The following PARD3B variants were observed in gnomAD, a reference collection of about 807,000 sequenced individuals.
PARD3B encodes the protein partitioning defective 3 homolog B.
Under a neutral mutation model 130.2 loss-of-function variants are expected in PARD3B, and 103 were observed. That is an observed-to-expected ratio of 0.79 (90% CI 0.67 to 0.93). The LOEUF is 0.93. Ranked by LOEUF, PARD3B falls within the 40% of genes least tolerant of loss-of-function variation. The probability of loss-of-function intolerance (pLI) is 0.00; values close to 1 mark genes in which losing one functional copy is unlikely to be tolerated. For missense variants in PARD3B, 1,609 were observed against 1,499.2 expected (o/e 1.07, Z -1.21); for synonymous variants, 583 against 553.2 (o/e 1.05, Z -0.76).
chr2:205,382,319 A>G (rs1028152397), intron 18 of PARD3B, among the ~76,000 whole-genome samples: 1 of 151,988 alleles, frequency 6.6e-6, no homozygotes, highest in African/African-American at 2.4e-5. Flanking sequence ...GGTTTTTCTT[A>G]CCATGATTAG....
chr2:205,286,666 C>G (rs777057524), intron 16 of PARD3B, among the ~76,000 whole-genome samples: 1 of 152,310 alleles, frequency 6.6e-6, no homozygotes, highest in Admixed American at 6.5e-5. Flanking sequence ...AATAGATACC[C>G]TCTTCCTGGG....
At chr2:205,102,933 T>G (rs1457233883) in intron 4 of PARD3B, among the ~76,000 whole-genome samples, 1 of 151,884 alleles carries the variant, frequency 6.6e-6, no homozygotes, top group Non-Finnish European at 1.5e-5. Context: ...CCGGGTGTGG[T>G]GGTGGGCACC....
intron 1 of PARD3B, among the ~76,000 whole-genome samples, chr2:204,567,502 A>G (rs2031745044): frequency 1.3e-5 from 2 of 152,200 alleles, no homozygotes; most frequent in South Asian, 4.1e-4. Flanking sequence ...ATTTAGCGTA[A>G]TAATGTCTTT....
At chr2:204,546,310 G>T in intron 1 of PARD3B, 191 bp downstream of exon 1, 5 of 779,496 alleles carry the variant, frequency 6.4e-6, no homozygotes, top group Non-Finnish European at 1.0e-5. Context: ...GAGCTCCGAG[G>T]GTCGTGAGTG....
At chr2:204,756,376 T>A (rs1250715021) in intron 2 of PARD3B, among the ~76,000 whole-genome samples, 1 of 152,090 alleles carries the variant, frequency 6.6e-6, no homozygotes, top group Non-Finnish European at 1.5e-5. Flanking sequence ...TTATTGGAGA[T>A]TTTGAAGAAG....
At chr2:204,989,777 T>C (rs1424916715) in intron 3 of PARD3B, among the ~76,000 whole-genome samples, 1 of 152,172 alleles carries the variant, frequency 6.6e-6, no homozygotes, top group East Asian at 1.9e-4. Flanking sequence ...TGTTGTTGAA[T>C]GTAGCCCATT....
intron 2 of PARD3B, among the ~76,000 whole-genome samples, chr2:204,914,022 G>C (rs1187273638): frequency 6.6e-6 from 1 of 152,170 alleles, no homozygotes; most frequent in Non-Finnish European, 1.5e-5. Flanking sequence ...GTTGATGGTA[G>C]TGATGAGACA....
chr2:204,592,123 G>T (rs2033097325), intron 1 of PARD3B, among the ~76,000 whole-genome samples: 1 of 152,274 alleles, frequency 6.6e-6, no homozygotes, highest in Non-Finnish European at 1.5e-5. Context: ...TGACCCCTCA[G>T]TGACCTTTGT....
chr2:205,344,412 T>A (rs2043671176), intron 18 of PARD3B, among the ~76,000 whole-genome samples: 2 of 151,970 alleles, frequency 1.3e-5, no homozygotes, highest in South Asian at 4.2e-4. Context: ...GGATGATAGA[T>A]CAGTGAAATG....
At chr2:205,076,741 G>A (rs548922798) in intron 4 of PARD3B, among the ~76,000 whole-genome samples, 177 of 152,150 alleles carry the variant, frequency 1.2e-3, no homozygotes, top group African/African-American at 4.1e-3. Flanking sequence ...CTGATGATCA[G>A]AGGTGGAACC....
chr2:204,808,304 A>G (rs2042846486), intron 2 of PARD3B, among the ~76,000 whole-genome samples: 1 of 152,050 alleles, frequency 6.6e-6, no homozygotes, highest in Non-Finnish European at 1.5e-5. Context: ...TCCCTTGCAT[A>G]TATCTATTTG....
chr2:204,607,634 G>T (rs1188460640), intron 1 of PARD3B, among the ~76,000 whole-genome samples: 1 of 152,060 alleles, frequency 6.6e-6, no homozygotes, highest in Admixed American at 6.6e-5. Flanking sequence ...TAAAAAAAAG[G>T]ATTATACAGT....
intron 2 of PARD3B, among the ~76,000 whole-genome samples, chr2:204,923,223 T>G (rs1197637652): frequency 1.3e-5 from 2 of 152,072 alleles, no homozygotes; most frequent in African/African-American, 2.4e-5. Flanking sequence ...AAAAATTACT[T>G]TCTTGTATTC....
intron 2 of PARD3B, among the ~76,000 whole-genome samples, chr2:204,933,478 G>A (rs138498296): frequency 0.011 from 1,703 of 152,250 alleles, 9 homozygotes; most frequent in Non-Finnish European, 0.018. Flanking sequence ...TATAGAAAAT[G>A]TTATGTAGAA....
At chr2:204,857,677 T>C (rs911997496) in intron 2 of PARD3B, among the ~76,000 whole-genome samples, 4 of 152,170 alleles carry the variant, frequency 2.6e-5, no homozygotes, top group African/African-American at 7.2e-5. Flanking sequence ...GGCCTTCTTG[T>C]TCATATTCTT....
At chr2:204,615,913 A>C (rs1399015742) in intron 1 of PARD3B, among the ~76,000 whole-genome samples, 1 of 152,188 alleles carries the variant, frequency 6.6e-6, no homozygotes, top group Admixed American at 6.6e-5. Context: ...AGATTTAATA[A>C]AGTAAGTTTT....
intron 1 of PARD3B, among the ~76,000 whole-genome samples, chr2:204,616,461 G>A (rs1450402827): frequency 2.6e-5 from 4 of 152,118 alleles, no homozygotes; most frequent in African/African-American, 9.7e-5. Context: ...CCAGGACACT[G>A]ACAACACCAA....
intron 4 of PARD3B, among the ~76,000 whole-genome samples, chr2:205,070,126 T>C (rs185299171): frequency 6.6e-6 from 1 of 152,152 alleles, no homozygotes; most frequent in Admixed American, 6.5e-5. Flanking sequence ...TGCTATGTGA[T>C]TGTGAAATCA....
intron 2 of PARD3B, among the ~76,000 whole-genome samples, chr2:204,791,560 T>G (rs532478067): frequency 2.0e-5 from 3 of 152,358 alleles, no homozygotes; most frequent in South Asian, 4.1e-4. Flanking sequence ...AGAAACCATT[T>G]TGGAGAATGA....
Sources: gnomAD v4.1 joint callset for allele counts (sites outside exome capture counted in the v4.1 genomes callset) on GRCh38, gnomAD v4.1.1 for gene constraint, MANE v1.5 for transcripts, NCBI Gene and HGNC (gene_info 2026-07-23, HGNC 2026-07-21) for gene names.